The following CORIN variants were observed in gnomAD, a reference collection of about 807,000 sequenced individuals.
CORIN encodes the protein atrial natriuretic peptide-converting enzyme.
Under a neutral mutation model 125.3 loss-of-function variants are expected in CORIN, and 117 were observed. The observed-to-expected ratio is 0.93, with a 90% CI of 0.80 to 1.09. The LOEUF (loss-of-function observed/expected upper bound fraction) is 1.09. Among genes scored for constraint, CORIN ranks in the 50% least tolerant of loss-of-function variants. The probability of loss-of-function intolerance (pLI) is 0.00; values close to 1 mark genes in which losing one functional copy is unlikely to be tolerated. For missense variants in CORIN, 1,253 were observed against 1,306.7 expected (o/e 0.96, Z 0.63); for synonymous variants, 450 against 466.4 (o/e 0.96, Z 0.45).
At position 47,786,720 on chromosome 4, in the gene CORIN, C is replaced by G; in HGVS notation, c.409+5G>C. 1 of 1,612,590 alleles carries G rather than the reference C, an allele frequency of 6.2e-7. No individual in the cohort carries two copies. The highest frequency in any genetic ancestry group is 8.5e-7 in the Non-Finnish European group (1 of 1,178,656). Reference sequence around the variant, plus strand: ...GCCTCTAGCATGTATCACCTTTGGACTTACTTGTATTCCTGTGACTTTGGT... The same window carrying G: ...GCCTCTAGCATGTATCACCTTTGGAGTTACTTGTATTCCTGTGACTTTGGT... On this transcript the variant is annotated splice_donor_5th_base_variant and intron_variant, in intron 3 of 21. Coordinates refer to ENST00000273857, the MANE Select transcript of CORIN (RefSeq NM_006587.4).
chr4:47,663,806 T>C (rs1724353201), intron 11 of CORIN, among the ~76,000 whole-genome samples: 2 of 152,196 alleles, frequency 1.3e-5, no homozygotes, highest in Admixed American at 6.5e-5. Context: ...AATTGGTAGA[T>C]GTTTTATTAG....
At chr4:47,731,598 C>T (rs754540803) in intron 5 of CORIN, among the ~76,000 whole-genome samples, 2 of 152,080 alleles carry the variant, frequency 1.3e-5, no homozygotes, top group Non-Finnish European at 2.9e-5. Flanking sequence ...TGGCCGGGCA[C>T]GGTGGCTCAC....
chr4:47,712,374 C>T (rs945045899), intron 5 of CORIN, among the ~76,000 whole-genome samples: 1 of 152,120 alleles, frequency 6.6e-6, no homozygotes, highest in Admixed American at 6.5e-5. Context: ...ACTCTGCCTC[C>T]CAGGCTCAAG....
chr4:47,677,551 C>T (rs16860552), intron 9 of CORIN, among the ~76,000 whole-genome samples: 3,304 of 152,300 alleles, frequency 0.022, 119 homozygotes, highest in African/African-American at 0.074. Context: ...CATTAAACTG[C>T]TTCTCTGAAC....
intron 2 of CORIN, among the ~76,000 whole-genome samples, chr4:47,803,610 A>T (rs1731639856): frequency 6.6e-6 from 1 of 152,254 alleles, no homozygotes; most frequent in Non-Finnish European, 1.5e-5. Context: ...TGCGGAAAGA[A>T]CAGTCTCTTC....
intron 1 of CORIN, among the ~76,000 whole-genome samples, chr4:47,811,482 C>T (rs776312460): frequency 1.2e-4 from 19 of 152,172 alleles, no homozygotes; most frequent in Non-Finnish European, 2.8e-4. Flanking sequence ...CCTGAGGGCA[C>T]ATCCACATCT....
At chr4:47,745,339 C>A (rs1728614805) in intron 4 of CORIN, among the ~76,000 whole-genome samples, 1 of 152,218 alleles carries the variant, frequency 6.6e-6, no homozygotes, top group Non-Finnish European at 1.5e-5. Flanking sequence ...TACTTTACAG[C>A]TGAAGGCTGC....
At chr4:47,661,958 T>C (rs1332007682) in intron 11 of CORIN, 102 bp from the exon 12 acceptor site, 1 of 1,163,532 alleles carries the variant, frequency 8.6e-7, no homozygotes, top group African/African-American at 1.6e-5. Context: ...ATGTGGCATG[T>C]ATTGTGGGTG....
chr4:47,610,615 T>A (rs546358341), intron 19 of CORIN, among the ~76,000 whole-genome samples: 2 of 152,304 alleles, frequency 1.3e-5, no homozygotes, highest in East Asian at 1.9e-4. Flanking sequence ...ATTTGTCAAC[T>A]TTTCCTTTCG....
intron 9 of CORIN, among the ~76,000 whole-genome samples, chr4:47,676,554 C>A (rs1172542144): frequency 6.6e-6 from 1 of 152,146 alleles, no homozygotes; most frequent in Non-Finnish European, 1.5e-5. Flanking sequence ...CGTAGCATGC[C>A]TATGTCCCCC....
At chr4:47,663,051 TTAAATTAGTCATA>T (rs1724321362) in intron 11 of CORIN, among the ~76,000 whole-genome samples, 1 of 152,238 alleles carries the variant, frequency 6.6e-6, no homozygotes, top group Non-Finnish European at 1.5e-5. Context: ...AACTGCTATT[TTAAATTAGTCATA>T]TGATACTTAT....
intron 16 of CORIN, among the ~76,000 whole-genome samples, chr4:47,640,741 G>A (rs1447113933): frequency 6.6e-6 from 1 of 152,136 alleles, no homozygotes; most frequent in Non-Finnish European, 1.5e-5. Context: ...ATTTACAATA[G>A]AACAGCTATG....
At chr4:47,668,965 C>G (rs1243949124) in intron 10 of CORIN, among the ~76,000 whole-genome samples, 1 of 152,146 alleles carries the variant, frequency 6.6e-6, no homozygotes, top group Non-Finnish European at 1.5e-5. Flanking sequence ...TTTATGATAT[C>G]AATAAGCTTT....
At chr4:47,784,289 A>G (rs1203469935) in intron 3 of CORIN, among the ~76,000 whole-genome samples, 1 of 152,212 alleles carries the variant, frequency 6.6e-6, no homozygotes, top group Admixed American at 6.5e-5. Flanking sequence ...CAGTATACTG[A>G]GAGTCTATGT....
chr4:47,648,694 T>A (rs865909694), intron 13 of CORIN, among the ~76,000 whole-genome samples: 21 of 152,358 alleles, frequency 1.4e-4, no homozygotes, highest in Middle Eastern at 3.4e-3. Flanking sequence ...GGTCCACTCA[T>A]CCTCTTGAGT....
At chr4:47,632,757 A>AGATAGATAGATAGATCGATAGAT in intron 16 of CORIN, among the ~76,000 whole-genome samples, 1 of 136,818 alleles carries the variant, frequency 7.3e-6, no homozygotes, top group East Asian at 2.0e-4. Flanking sequence ...ATAGATAGAT[A>AGATAGATAGATAGATCGATAGAT]GATAGATAGA....
intron 11 of CORIN, 85 bp from the exon 12 acceptor site, chr4:47,661,941 T>G (rs1206205899): frequency 7.5e-7 from 1 of 1,324,582 alleles, no homozygotes; most frequent in Non-Finnish European, 1.0e-6. Context: ...AAGTTTTAAT[T>G]CTGTGTATGT....
chr4:47,781,904 C>T (rs1730564596), intron 3 of CORIN, among the ~76,000 whole-genome samples: 1 of 151,886 alleles, frequency 6.6e-6, no homozygotes, highest in Non-Finnish European at 1.5e-5. Context: ...TGCCACTGCA[C>T]TCCAGCCTGG....
chr4:47,661,314 A>T (rs1724239310), intron 12 of CORIN, among the ~76,000 whole-genome samples: 2 of 152,338 alleles, frequency 1.3e-5, no homozygotes, highest in African/African-American at 2.4e-5. Flanking sequence ...ACATTTAAAG[A>T]TAACTAAAGG....
Sources: allele counts gnomAD v4.1 joint callset (sites outside exome capture counted in the v4.1 genomes callset), GRCh38; gene constraint gnomAD v4.1.1; transcripts MANE v1.5; gene names NCBI Gene and HGNC (gene_info 2026-07-23, HGNC 2026-07-21).